Variants in MCTP1 observed in about 807,000 individuals in gnomAD.
MCTP1 encodes multiple C2 and transmembrane domain containing 1.
Under a neutral mutation model 120.6 loss-of-function variants are expected in MCTP1, and 69 were observed. The ratio of observed to expected loss-of-function variants is 0.57; its 90% confidence interval spans 0.47 to 0.70. The LOEUF (loss-of-function observed/expected upper bound fraction) is 0.70. Ranked by LOEUF, MCTP1 falls within the 30% of genes least tolerant of loss-of-function variation. The probability of loss-of-function intolerance (pLI) is 0.00; values close to 1 mark genes in which losing one functional copy is unlikely to be tolerated. For missense variants in MCTP1, 1,203 were observed against 1,248.8 expected, an observed-to-expected ratio of 0.96 and a Z score of 0.55; for synonymous variants, 529 against 493.1, an observed-to-expected ratio of 1.07 and a Z score of -0.96.
chr5:94,810,449 G>A (rs1580803885), intron 17 of MCTP1, among the ~76,000 whole-genome samples: 1 of 152,076 alleles, frequency 6.6e-6, no homozygotes. Flanking sequence ...GGCAACAGCT[G>A]GCACTTCAGT....
chr5:94,909,183 G>A (rs1426598109), intron 10 of MCTP1, 68 bp downstream of exon 10: 4 of 1,524,288 alleles, frequency 2.6e-6, no homozygotes, highest in African/African-American at 1.4e-5. Flanking sequence ...CAATAACCAG[G>A]CTTACAGCAA....
intron 1 of MCTP1, among the ~76,000 whole-genome samples, chr5:95,073,935 A>T (rs1752898512): frequency 6.6e-6 from 1 of 152,096 alleles, no homozygotes; most frequent in Non-Finnish European, 1.5e-5. Flanking sequence ...ACATAGTGAA[A>T]CCCCGTCTCT....
At chr5:94,907,523 T>C (rs1313002483) in intron 10 of MCTP1, among the ~76,000 whole-genome samples, 2 of 151,846 alleles carry the variant, frequency 1.3e-5, no homozygotes, top group African/African-American at 2.4e-5. Flanking sequence ...ATACCTGGAA[T>C]AATCCCTATG....
chr5:95,184,266 G>A (rs1202260149), intron 1 of MCTP1, among the ~76,000 whole-genome samples: 1 of 152,058 alleles, frequency 6.6e-6, no homozygotes, highest in East Asian at 1.9e-4. Flanking sequence ...GGAAATACGT[G>A]TCCACAAAAA....
chr5:95,188,453 C>A (rs914817731), intron 1 of MCTP1, among the ~76,000 whole-genome samples: 1 of 152,136 alleles, frequency 6.6e-6, no homozygotes, highest in African/African-American at 2.4e-5. Context: ...AAAACATGTA[C>A]ACTAATGTTC....
intron 2 of MCTP1, among the ~76,000 whole-genome samples, chr5:95,008,556 A>G (rs1051545684): frequency 2.0e-5 from 3 of 152,122 alleles, no homozygotes; most frequent in African/African-American, 7.2e-5. Context: ...GAAGAAAAGG[A>G]ATTGTTTCCT....
intron 1 of MCTP1, among the ~76,000 whole-genome samples, chr5:95,269,019 CT>C (rs1554242881): frequency 6.6e-6 from 1 of 152,202 alleles, no homozygotes; most frequent in Non-Finnish European, 1.5e-5. Context: ...TGTTTACCAG[CT>C]TTGTGACCTT....
intron 1 of MCTP1, among the ~76,000 whole-genome samples, chr5:95,159,905 G>A (rs1298116550): frequency 1.3e-5 from 2 of 152,076 alleles, no homozygotes; most frequent in East Asian, 3.9e-4. Context: ...AAGCAGATAA[G>A]CAGGCAGTGG....
intron 1 of MCTP1, among the ~76,000 whole-genome samples, chr5:95,128,603 A>C (rs953355383): frequency 2.0e-5 from 3 of 152,212 alleles, no homozygotes; most frequent in Non-Finnish European, 4.4e-5. Flanking sequence ...CATTTGTATG[A>C]AATATTCAGA....
At chr5:94,758,251 C>T (rs1253124817) in intron 19 of MCTP1, among the ~76,000 whole-genome samples, 1 of 152,136 alleles carries the variant, frequency 6.6e-6, no homozygotes, top group Non-Finnish European at 1.5e-5. Flanking sequence ...ATAAATAATT[C>T]ATATTTGATA....
At chr5:95,018,913 A>C (rs991429962) in intron 1 of MCTP1, among the ~76,000 whole-genome samples, 1 of 152,110 alleles carries the variant, frequency 6.6e-6, no homozygotes, top group African/African-American at 2.4e-5. Context: ...GATTGTGGCC[A>C]CCAATGACAA....
At chr5:94,987,201 CCA>C (rs1421327231) in intron 2 of MCTP1, among the ~76,000 whole-genome samples, 1 of 152,050 alleles carries the variant, frequency 6.6e-6, no homozygotes, top group Non-Finnish European at 1.5e-5. Context: ...ATTGTTCTTA[CCA>C]CTTTGCATGT....
At chr5:94,759,936 G>A (rs1770919780) in intron 19 of MCTP1, among the ~76,000 whole-genome samples, 2 of 132,296 alleles carry the variant, frequency 1.5e-5, no homozygotes, top group African/African-American at 2.8e-5. Context: ...CAGAGTGACA[G>A]AGCTGGAATA....
At chr5:95,166,875 C>T (rs1324674937) in intron 1 of MCTP1, among the ~76,000 whole-genome samples, 1 of 151,346 alleles carries the variant, frequency 6.6e-6, no homozygotes, top group African/African-American at 2.4e-5. Context: ...CCATTTTAAT[C>T]ATTTCTCTAA....
chr5:95,132,479 A>G (rs1205558346), intron 1 of MCTP1, among the ~76,000 whole-genome samples: 1 of 152,266 alleles, frequency 6.6e-6, no homozygotes, highest in African/African-American at 2.4e-5. Flanking sequence ...AAAATGCATA[A>G]AACAACAGAG....
At chr5:95,211,526 C>G (rs1433660238) in intron 1 of MCTP1, among the ~76,000 whole-genome samples, 1 of 152,222 alleles carries the variant, frequency 6.6e-6, no homozygotes, top group Non-Finnish European at 1.5e-5. Context: ...TCAGCTCCAT[C>G]AGCTCCTTTA....
chr5:94,902,617 T>C (rs1428452355), intron 10 of MCTP1, among the ~76,000 whole-genome samples: 1 of 152,224 alleles, frequency 6.6e-6, no homozygotes, highest in Non-Finnish European at 1.5e-5. Context: ...TTGCATAATA[T>C]AACATCTTAT....
chr5:94,799,281 A>G, intron 17 of MCTP1, 149 bp from the exon 18 acceptor site: 1 of 720,032 alleles, frequency 1.4e-6, no homozygotes, highest in East Asian at 3.2e-5. Flanking sequence ...AAACTTTTAG[A>G]CATTTTTCTA....
chr5:94,875,752 T>C (rs916248939), intron 12 of MCTP1, among the ~76,000 whole-genome samples: 2 of 151,692 alleles, frequency 1.3e-5, no homozygotes, highest in Non-Finnish European at 2.9e-5. Context: ...GTCAGTTCTT[T>C]TTTTTTTTTT....
Sources: gnomAD v4.1 joint callset for allele counts (sites outside exome capture counted in the v4.1 genomes callset) on GRCh38, gnomAD v4.1.1 for gene constraint, MANE v1.5 for transcripts, NCBI Gene and HGNC (gene_info 2026-07-23, HGNC 2026-07-21) for gene names.